FGGY: variants seen among roughly 807,000 people sequenced by gnomAD.
The protein encoded by FGGY is FGGY carbohydrate kinase domain-containing protein.
A neutral mutation model predicts 71.3 loss-of-function variants in FGGY; 72 were observed. The observed-to-expected ratio is 1.01, with a 90% confidence interval of 0.84 to 1.23. The LOEUF is 1.23. Ranked by LOEUF, FGGY falls within the 50% of genes most tolerant of loss-of-function variation. The pLI is 0.00. For missense variants in FGGY, 668 were observed against 682.3 expected, an observed-to-expected ratio of 0.98 and a Z score of 0.23; for synonymous variants, 251 against 250.3, an observed-to-expected ratio of 1.00 and a Z score of -0.02.
rs184665734 is a variant in FGGY, at chr1:59,713,300, C to T, written c.1512+39167C>T. Among the ~76,000 whole-genome samples the T allele has an allele frequency of 1.9e-3, 282 of 152,308 alleles. 5 individuals carry two copies. Among genetic ancestry groups the T allele is most frequent in the Admixed American group, 0.012 (186 of 15,302 alleles). ...AAGTTCGAAACTTTCCCACATCTTC[C>T]TGTCTTCTTCTGAGTCTTCCAAACC... On this transcript the variant is annotated intron_variant, in intron 14 of 15. Transcript: ENST00000303721.
At chr1:59,389,325 T>C (rs1365549512) in intron 5 of FGGY, among the ~76,000 whole-genome samples, 3 of 152,246 alleles carry the variant, frequency 2.0e-5, no homozygotes, top group African/African-American at 7.2e-5. Flanking sequence ...ATATAGTATT[T>C]ATCCTTTTGC....
chr1:59,405,812 C>T (rs902455983), intron 5 of FGGY, among the ~76,000 whole-genome samples: 5 of 152,104 alleles, frequency 3.3e-5, no homozygotes, highest in African/African-American at 9.7e-5. Flanking sequence ...TGAGACTGCT[C>T]CTCATGTCAC....
Position 59,511,439 on chromosome 1 carries a change from G to GAAATACTATAGAAATACTATAGA in FGGY, c.671-870_671-869insATACTATAGAAATACTATAGAAA, listed in dbSNP as rs200049430. On this transcript the variant is annotated intron_variant, in intron 6 of 15. Transcript: ENST00000303721. ...CTCCCTGCAGTGCAGAAATACTATA[G>GAAATACTATAGAAATACTATAGA]AATCCTTGGGGGATGAGAGAGGGCT... 7.4e-3 allele frequency among the ~76,000 whole-genome samples: 1,131 copies of GAAATACTATAGAAATACTATAGA among 152,254 alleles called. 14 individuals carry two copies. The highest frequency in any genetic ancestry group is 0.026 in the African/African-American group (1,092 of 41,552).
intron 8 of FGGY, 120 bp downstream of exon 8, chr1:59,554,347 G>T (rs1201220357): frequency 5.7e-6 from 4 of 698,014 alleles, no homozygotes; most frequent in Non-Finnish European, 9.3e-6. Context: ...CCTGCCCCTT[G>T]TGCTTTGTCT....
intron 5 of FGGY, among the ~76,000 whole-genome samples, chr1:59,424,433 G>A (rs2065985063): frequency 6.6e-6 from 1 of 152,188 alleles, no homozygotes; most frequent in Non-Finnish European, 1.5e-5. Context: ...TGTAATTCCA[G>A]CTACTCGGGA....
chr1:59,380,994 T>G (rs189533705), intron 5 of FGGY, among the ~76,000 whole-genome samples: 81 of 152,330 alleles, frequency 5.3e-4, no homozygotes, highest in Admixed American at 1.5e-3. Context: ...GAATCCAGTT[T>G]CAGCTTTCTC....
intron 5 of FGGY, among the ~76,000 whole-genome samples, chr1:59,426,081 A>G (rs1490952704): frequency 6.6e-6 from 1 of 152,146 alleles, no homozygotes; most frequent in Non-Finnish European, 1.5e-5. Context: ...GATTACCCTT[A>G]GAGCTCCTGT....
At chr1:59,404,952 C>T (rs2062520369) in intron 5 of FGGY, among the ~76,000 whole-genome samples, 1 of 152,148 alleles carries the variant, frequency 6.6e-6, no homozygotes, top group Non-Finnish European at 1.5e-5. Flanking sequence ...TTTCAGCTGA[C>T]TTAAATGCAA....
chr1:59,474,521 T>C (rs936231862), intron 6 of FGGY, among the ~76,000 whole-genome samples: 3 of 152,156 alleles, frequency 2.0e-5, no homozygotes, highest in African/African-American at 7.2e-5. Flanking sequence ...CCACTTCTCC[T>C]GTTTGAGTTT....
At chr1:59,460,696 A>C (rs1457638611) in intron 6 of FGGY, among the ~76,000 whole-genome samples, 1 of 152,162 alleles carries the variant, frequency 6.6e-6, no homozygotes, top group Non-Finnish European at 1.5e-5. Context: ...CTCTGGGATG[A>C]AGCTTCCAGA....
At chr1:59,300,126 G>A (rs1202367432) in intron 1 of FGGY, among the ~76,000 whole-genome samples, 2 of 152,318 alleles carry the variant, frequency 1.3e-5, no homozygotes, top group South Asian at 2.1e-4. Context: ...AGCAGCTTTA[G>A]TGAGGAATAA....
At chr1:59,350,853 C>T (rs1406993482) in intron 4 of FGGY, among the ~76,000 whole-genome samples, 4 of 152,194 alleles carry the variant, frequency 2.6e-5, no homozygotes. Flanking sequence ...ATTTTTACCT[C>T]TTCCTCTCTC....
At chr1:59,588,824 A>G (rs1330364971) in intron 8 of FGGY, among the ~76,000 whole-genome samples, 1 of 152,246 alleles carries the variant, frequency 6.6e-6, no homozygotes, top group Non-Finnish European at 1.5e-5. Context: ...GGTACCAGCC[A>G]CTGGAAAATC....
At chr1:59,657,118 A>G (rs1031148441) in intron 11 of FGGY, among the ~76,000 whole-genome samples, 1 of 152,174 alleles carries the variant, frequency 6.6e-6, no homozygotes, top group Admixed American at 6.5e-5. Flanking sequence ...ATGGATTCTT[A>G]CTAATTGAGA....
chr1:59,338,136 C>A (rs1233903381), intron 2 of FGGY, among the ~76,000 whole-genome samples: 1 of 152,034 alleles, frequency 6.6e-6, no homozygotes, highest in Non-Finnish European at 1.5e-5. Context: ...GTGCGTATTC[C>A]ATTAATTAAT....
At chr1:59,457,360 C>T (rs2091809240) in intron 6 of FGGY, among the ~76,000 whole-genome samples, 1 of 152,144 alleles carries the variant, frequency 6.6e-6, no homozygotes, top group Non-Finnish European at 1.5e-5. Flanking sequence ...CCTGTAATCC[C>T]AGCACTTTGG....
At position 59,608,553 on chromosome 1, in the gene FGGY, C is replaced by T. The variant is rs576283305; in HGVS notation, c.1011+643C>T. On this transcript the variant is annotated intron_variant, in intron 9 of 15. Coordinates refer to ENST00000303721, the MANE Select transcript of FGGY (RefSeq NM_018291.5). ...GAGTTCCTTAAAGACAAGGGCCATG[C>T]GGTACACAGTGGCTCATGCCTATAA... Among the ~76,000 whole-genome samples, 10 of 152,286 alleles carry T rather than the reference C, an allele frequency of 6.6e-5. No individual in the cohort carries two copies. In the East Asian group the frequency reaches 7.7e-4, roughly 12 times the overall value.
intron 5 of FGGY, among the ~76,000 whole-genome samples, chr1:59,417,050 C>T (rs899627759): frequency 3.9e-5 from 6 of 152,002 alleles, no homozygotes; most frequent in Admixed American, 3.9e-4. Flanking sequence ...GCAACCATAC[C>T]CCAGTATCCG....
chr1:59,465,234 C>T (rs1173814918), intron 6 of FGGY, among the ~76,000 whole-genome samples: 3 of 152,204 alleles, frequency 2.0e-5, no homozygotes, highest in African/African-American at 7.2e-5. Flanking sequence ...CATAATCCAT[C>T]ACATAAACAG....
Sources: gnomAD v4.1 joint callset for allele counts (sites outside exome capture counted in the v4.1 genomes callset) on GRCh38, gnomAD v4.1.1 for gene constraint, MANE v1.5 for transcripts, NCBI Gene and HGNC (gene_info 2026-07-23, HGNC 2026-07-21) for gene names.